The following TMEM132D variants were observed in gnomAD, a reference collection of about 807,000 sequenced individuals.
TMEM132D encodes the protein transmembrane protein 132D.
Under a neutral mutation model 62.3 loss-of-function variants are expected in TMEM132D, and 21 were observed. That is an observed-to-expected ratio of 0.34 (90% CI 0.24 to 0.49). TMEM132D has a LOEUF of 0.49. Ranked by LOEUF, TMEM132D falls within the 20% of genes least tolerant of loss-of-function variation. The pLI, the probability that TMEM132D is intolerant of heterozygous loss-of-function variation, is 0.99. For missense variants in TMEM132D, 1,346 were observed against 1,402.8 expected (o/e 0.96, Z 0.65); for synonymous variants, 621 against 575.6 (o/e 1.08, Z -1.13).
chr12:129,173,341 GAT>G lies in TMEM132D; in HGVS notation c.1443+36177_1443+36178del, dbSNP rs529912138. 3.0e-3 allele frequency among the ~76,000 whole-genome samples: 463 copies of G among 152,330 alleles called. 5 individuals are homozygous for G. The highest frequency in any genetic ancestry group is 0.011 in the African/African-American group (451 of 41,582). On this transcript the variant is annotated intron_variant, in intron 5 of 8. Coordinates refer to ENST00000422113, the MANE Select transcript of TMEM132D (RefSeq NM_133448.3). ...TCAGCAAAACTACTTTGAGATGAAA[GAT>G]ATGATACGTTGTACTCCCAGAAATA... is the stretch of plus-strand genomic sequence containing the variant.
Position 129,075,305 on chromosome 12 carries a change from G to A in TMEM132D, c.2116-246C>T, listed in dbSNP as rs117715693. ...AAACAGGGCCAGTATTAAACAATCCGTAAGAAGATTTGCTTTTTTTTTTTT... is the reference window on the plus strand; with the variant it reads ...AAACAGGGCCAGTATTAAACAATCCATAAGAAGATTTGCTTTTTTTTTTTT... On this transcript the variant is annotated intron_variant, in intron 8 of 8. Transcript: ENST00000422113. 5.3e-3 allele frequency among the ~76,000 whole-genome samples: 798 copies of A among 149,464 alleles called. 5 individuals carry two copies. Among genetic ancestry groups the A allele is most frequent in the Non-Finnish European group, 7.5e-3 (508 of 67,702 alleles).
chr12:129,830,732 G>C (rs1233043187), intron 1 of TMEM132D, among the ~76,000 whole-genome samples: 1 of 151,856 alleles, frequency 6.6e-6, no homozygotes, highest in South Asian at 2.1e-4. Context: ...AAAATGATTG[G>C]GCCTTATCTC....
chr12:129,254,995 C>T lies in TMEM132D; in HGVS notation c.1300-45332G>A, dbSNP rs563778519. Among the ~76,000 whole-genome samples, 12 of 152,230 alleles carry T rather than the reference C, an allele frequency of 7.9e-5. No homozygotes were observed. The South Asian group carries it at 8.3e-4, about 11-fold the overall frequency. Reference sequence around the variant, plus strand: ...ATCGTGGGGGTGGATCCTTCACAAACGGTTTAGCACTGTCCCTTTGGTGCT... The same window carrying T: ...ATCGTGGGGGTGGATCCTTCACAAATGGTTTAGCACTGTCCCTTTGGTGCT... On this transcript the variant is annotated intron_variant, in intron 4 of 8. Transcript: ENST00000422113.
chr12:129,077,650 G>T (rs1468268021), intron 8 of TMEM132D, among the ~76,000 whole-genome samples: 1 of 149,052 alleles, frequency 6.7e-6, no homozygotes, highest in African/African-American at 2.5e-5. Context: ...ACATGCATAC[G>T]GACACACATA....
intron 1 of TMEM132D, among the ~76,000 whole-genome samples, chr12:129,732,356 G>A (rs1869277812): frequency 6.6e-6 from 1 of 152,156 alleles, no homozygotes. Context: ...GGATGGGGCT[G>A]GTCACCAGAA....
Position 129,166,568 on chromosome 12 carries a change from A to G in TMEM132D, c.1443+42952T>C, listed in dbSNP as rs369608533. Among the ~76,000 whole-genome samples the G allele has an allele frequency of 3.9e-4, 59 of 151,962 alleles. No homozygotes were observed. In the South Asian group the frequency reaches 0.012, roughly 31 times the overall value. On this transcript the variant is annotated intron_variant, in intron 5 of 8. Coordinates refer to ENST00000422113, the MANE Select transcript of TMEM132D (RefSeq NM_133448.3). ...TTAGCCACTGCTATGTGATTACTAA[A>G]ACACAGAAACGAAGTCAAACCAAAT... is the stretch of plus-strand genomic sequence containing the variant.
intron 1 of TMEM132D, among the ~76,000 whole-genome samples, chr12:129,866,724 A>G (rs1274225800): frequency 1.3e-5 from 2 of 152,156 alleles, no homozygotes; most frequent in African/African-American, 4.8e-5. Flanking sequence ...GCTCTTCGAG[A>G]TATTAAAAAT....
chr12:129,668,269 T>C lies in TMEM132D; in HGVS notation c.968+31541A>G, dbSNP rs868211375. ...CTTATTACACTAAATTATATCAACA[T>C]TATAGAAGTTTCCCATAATCTTAGG... is the stretch of plus-strand genomic sequence containing the variant. On this transcript the variant is annotated intron_variant, in intron 2 of 8. Coordinates refer to ENST00000422113, the MANE Select transcript of TMEM132D (RefSeq NM_133448.3). 2.7e-5 allele frequency among the ~76,000 whole-genome samples: 4 copies of C among 147,934 alleles called. No individual in the cohort carries two copies. The South Asian group carries it at 6.8e-4, about 25-fold the overall frequency.
chr12:129,654,279 CGTGTGTGTGTGTGTGTGAGTGT>C lies in TMEM132D; in HGVS notation c.968+45509_968+45530del, dbSNP rs1459029047. On this transcript the variant is annotated intron_variant, in intron 2 of 8. Coordinates refer to ENST00000422113, the MANE Select transcript of TMEM132D (RefSeq NM_133448.3). ...TTTCTCTCTCTCTCTCTCACTCTCT[CGTGTGTGTGTGTGTGTGAGTGT>C]GTGTGTGTGTGTGTGTGTTCTGAGC... 6.6e-4 allele frequency among the ~76,000 whole-genome samples: 70 copies of C among 105,530 alleles called. 1 individual carries two copies. The highest frequency in any genetic ancestry group is 2.1e-3 in the African/African-American group (62 of 29,950). 69.2% of individuals were successfully genotyped at this position (105,530 alleles called of 152,430 possible).
At chr12:129,184,168 GACA>G (rs2135552597) in intron 5 of TMEM132D, among the ~76,000 whole-genome samples, 1 of 152,310 alleles carries the variant, frequency 6.6e-6, no homozygotes, top group Admixed American at 6.5e-5. Flanking sequence ...TTTCCGTTAA[GACA>G]ACATCTGATC....
At chr12:129,158,712 G>GA (rs34570451) in intron 5 of TMEM132D, among the ~76,000 whole-genome samples, 11,244 of 152,036 alleles carry the variant, frequency 0.074, 576 homozygotes, top group Non-Finnish European at 0.11. Context: ...GGGAATTTCA[G>GA]AAAAAAAGAG....
rs537873791 is a variant in TMEM132D at position 129,774,028 on chromosome 12, G to A, written c.80-73330C>T. Among the ~76,000 whole-genome samples, 8 of 152,318 alleles carry A rather than the reference G, an allele frequency of 5.3e-5. No homozygotes were observed. In the South Asian group the frequency reaches 1.7e-3, roughly 32 times the overall value. ...ATGTTTGCTACTATATTCTAAGATG[G>A]TGGTTGTGGAAACCATGGTGAACCA... On this transcript the variant is annotated intron_variant, in intron 1 of 8. Coordinates refer to ENST00000422113, the MANE Select transcript of TMEM132D (RefSeq NM_133448.3).
intron 3 of TMEM132D, among the ~76,000 whole-genome samples, chr12:129,389,382 T>A (rs1361957649): frequency 6.6e-6 from 1 of 152,076 alleles, no homozygotes; most frequent in Non-Finnish European, 1.5e-5. Context: ...AGTAATACTA[T>A]GTGCCAACAC....
intron 4 of TMEM132D, among the ~76,000 whole-genome samples, chr12:129,307,206 T>C (rs1881866194): frequency 6.6e-6 from 1 of 151,912 alleles, no homozygotes; most frequent in African/African-American, 2.4e-5. Flanking sequence ...TTTTAAAGAG[T>C]TTCTAGGAGA....
At chr12:129,471,716 A>G (rs1207900853) in intron 3 of TMEM132D, among the ~76,000 whole-genome samples, 1 of 152,238 alleles carries the variant, frequency 6.6e-6, no homozygotes, top group Non-Finnish European at 1.5e-5. Context: ...TAGCTAACCA[A>G]GCTGTGAATG....
chr12:129,107,061 T>C (rs1437810109), intron 5 of TMEM132D, among the ~76,000 whole-genome samples: 1 of 152,194 alleles, frequency 6.6e-6, no homozygotes, highest in Non-Finnish European at 1.5e-5. Context: ...CTGTATCATC[T>C]AGAACAGTGC....
intron 2 of TMEM132D, among the ~76,000 whole-genome samples, chr12:129,677,889 A>G (rs1014835183): frequency 1.3e-5 from 2 of 151,432 alleles, no homozygotes; most frequent in East Asian, 1.9e-4. Context: ...ATTATCCATG[A>G]ACATTATATT....
chr12:129,298,423 T>G (rs1221473369), intron 4 of TMEM132D, among the ~76,000 whole-genome samples: 1 of 152,230 alleles, frequency 6.6e-6, no homozygotes, highest in African/African-American at 2.4e-5. Flanking sequence ...CCAGAGTGTT[T>G]AAGCATATCC....
At chr12:129,315,539 G>T (rs35380061) in intron 4 of TMEM132D, among the ~76,000 whole-genome samples, 3 of 151,956 alleles carry the variant, frequency 2.0e-5, no homozygotes, top group South Asian at 4.1e-4. Flanking sequence ...TTTTGGATAC[G>T]GTTAACTAGT....
Sources: allele counts gnomAD v4.1 joint callset (sites outside exome capture counted in the v4.1 genomes callset), GRCh38; gene constraint gnomAD v4.1.1; transcripts MANE v1.5; gene names NCBI Gene and HGNC (gene_info 2026-07-23, HGNC 2026-07-21).